The following TAX1BP1 variants were observed in gnomAD, a reference collection of about 807,000 sequenced individuals.
The protein encoded by TAX1BP1 is Tax1 binding protein 1, also known as tax1-binding protein 1.
TAX1BP1 carries 62 observed loss-of-function variants against 97.7 expected under a neutral mutation model. The observed-to-expected ratio is 0.63, with a 90% CI of 0.52 to 0.78. The LOEUF (loss-of-function observed/expected upper bound fraction) is 0.78, where lower values mean the gene tolerates loss of function less well. Among genes scored for constraint, TAX1BP1 ranks in the 30% least tolerant of loss-of-function variants. The pLI, the probability that TAX1BP1 is intolerant of heterozygous loss-of-function variation, is 0.00. For missense variants in TAX1BP1, 867 were observed against 916.1 expected, an observed-to-expected ratio of 0.95 and a Z score of 0.69; for synonymous variants, 340 against 304.2, an observed-to-expected ratio of 1.12 and a Z score of -1.23.
intron 13 of TAX1BP1, among the ~76,000 whole-genome samples, chr7:27,808,174 A>G (rs1340348751): frequency 6.6e-6 from 1 of 152,202 alleles, no homozygotes; most frequent in Non-Finnish European, 1.5e-5. Flanking sequence ...CAAAGTCCTT[A>G]GCAGACAGAG....
chr7:27,783,885 ATAT>A (rs1182023448), intron 5 of TAX1BP1, among the ~76,000 whole-genome samples: 1 of 152,204 alleles, frequency 6.6e-6, no homozygotes, highest in African/African-American at 2.4e-5. Context: ...GAGGAAATAA[ATAT>A]TATTTGTTTT....
chr7:27,745,157 C>T (rs1787771618), intron 1 of TAX1BP1, among the ~76,000 whole-genome samples: 1 of 152,190 alleles, frequency 6.6e-6, no homozygotes, highest in South Asian at 2.1e-4. Flanking sequence ...CATGGTAAAG[C>T]TGCTTGCTTC....
intron 13 of TAX1BP1, among the ~76,000 whole-genome samples, chr7:27,813,664 C>T (rs916121452): frequency 6.6e-6 from 1 of 151,982 alleles, no homozygotes; most frequent in African/African-American, 2.4e-5. Context: ...GAGATAGGGT[C>T]TCACTATGTT....
At chr7:27,785,624 C>A in intron 7 of TAX1BP1, 135 bp downstream of exon 7, 3 of 711,384 alleles carry the variant, frequency 4.2e-6, no homozygotes, top group Non-Finnish European at 7.1e-6. Context: ...TAGTTGCAGT[C>A]AGGATGTTGG....
chr7:27,756,322 C>G (rs1236068807), intron 2 of TAX1BP1, among the ~76,000 whole-genome samples: 1 of 152,110 alleles, frequency 6.6e-6, no homozygotes, highest in African/African-American at 2.4e-5. Context: ...ACATGCCCCT[C>G]TCTAAGTAAC....
At chr7:27,797,515 A>AT (rs1329800803) in intron 12 of TAX1BP1, among the ~76,000 whole-genome samples, 3 of 151,890 alleles carry the variant, frequency 2.0e-5, no homozygotes, top group Non-Finnish European at 2.9e-5. Flanking sequence ...GGGGAGGGGC[A>AT]TTTTTTAGAG....
At chr7:27,792,741 C>T (rs972204735) in intron 9 of TAX1BP1, among the ~76,000 whole-genome samples, 3 of 151,938 alleles carry the variant, frequency 2.0e-5, no homozygotes, top group African/African-American at 4.8e-5. Context: ...GTGGGAAGAT[C>T]GCTTGATCCC....
rs188624623 is a variant in TAX1BP1 at position 27,811,694 on chromosome 7, C to T, written c.1765-4655C>T. 1.2e-3 allele frequency among the ~76,000 whole-genome samples: 184 copies of T among 151,954 alleles called. 1 individual carries two copies. Among genetic ancestry groups the T allele is most frequent in the East Asian group, 8.5e-3 (44 of 5,160 alleles). ...CAAATGCATGTAGTTCTGTAACTACCGTTTCATTCAAGCAGTGTAACGTTT... is the reference window on the plus strand; with the variant it reads ...CAAATGCATGTAGTTCTGTAACTACTGTTTCATTCAAGCAGTGTAACGTTT... On this transcript the variant is annotated intron_variant, in intron 13 of 16. Coordinates refer to ENST00000396319, the MANE Select transcript of TAX1BP1 (RefSeq NM_006024.7).
rs551820718 is a variant in TAX1BP1 at position 27,820,777 on chromosome 7, C to T, written c.2085+3739C>T. Among the ~76,000 whole-genome samples the T allele has an allele frequency of 2.6e-5, 4 of 152,196 alleles. No homozygotes were observed. In the South Asian group the frequency reaches 6.2e-4, roughly 24 times the overall value. ...CTCAAAACATACAGATAAATCTTTA[C>T]GACTTAGATTAGGCAGTAGTTTCTT... On this transcript the variant is annotated intron_variant, in intron 15 of 16. Coordinates refer to ENST00000396319, the MANE Select transcript of TAX1BP1 (RefSeq NM_006024.7).
rs960121452 is a variant in TAX1BP1 at position 27,767,193 on chromosome 7, C to G, written c.453+1172C>G. 1.1e-4 allele frequency among the ~76,000 whole-genome samples: 16 copies of G among 151,980 alleles called. 1 individual carries two copies. The highest frequency in any genetic ancestry group is 4.1e-4 in the South Asian group (2 of 4,826). On this transcript the variant is annotated intron_variant, in intron 4 of 16. Coordinates refer to ENST00000396319, the MANE Select transcript of TAX1BP1 (RefSeq NM_006024.7). ...TGTGATTAATTGTATATAGTGCCCT[C>G]TATTATAATAATAAGAAAAATAGTT...
intron 2 of TAX1BP1, among the ~76,000 whole-genome samples, chr7:27,755,597 A>T (rs572199147): frequency 6.6e-6 from 1 of 152,198 alleles, no homozygotes; most frequent in African/African-American, 2.4e-5. Flanking sequence ...TGTTAATCCT[A>T]TTTAAAAGGA....
intron 15 of TAX1BP1, among the ~76,000 whole-genome samples, chr7:27,819,497 T>C (rs1278685831): frequency 2.0e-5 from 3 of 152,130 alleles, no homozygotes; most frequent in South Asian, 4.1e-4. Context: ...GAAGATAAGA[T>C]GGCATTGAAA....
intron 13 of TAX1BP1, among the ~76,000 whole-genome samples, chr7:27,805,069 C>T (rs994209601): frequency 3.3e-5 from 5 of 152,162 alleles, no homozygotes; most frequent in African/African-American, 9.7e-5. Flanking sequence ...AGGGTAAATG[C>T]ATGTGTAGTT....
At chr7:27,787,963 G>C (rs1437457468) in intron 8 of TAX1BP1, among the ~76,000 whole-genome samples, 1 of 152,044 alleles carries the variant, frequency 6.6e-6, no homozygotes, top group Non-Finnish European at 1.5e-5. Flanking sequence ...CATTCTCATA[G>C]TTAGTTCACA....
intron 4 of TAX1BP1, 144 bp from the exon 5 acceptor site, chr7:27,769,532 C>T: frequency 3.4e-6 from 2 of 594,754 alleles, no homozygotes; most frequent in Non-Finnish European, 5.6e-6. Context: ...TAAAAAAAGG[C>T]TGATTGATAT....
intron 15 of TAX1BP1, among the ~76,000 whole-genome samples, chr7:27,826,522 G>A (rs929962241): frequency 1.3e-5 from 2 of 151,838 alleles, no homozygotes; most frequent in Non-Finnish European, 2.9e-5. Context: ...TAACATAAAG[G>A]CTTCCTCAGT....
Position 27,807,505 on chromosome 7 carries a change from T to G in TAX1BP1, c.1764+7415T>G, listed in dbSNP as rs149334512. ...CAGTTATTTAATATAATACTAATTT[T>G]GGTTTAATATTTCATCACGATGAAA... On this transcript the variant is annotated intron_variant, in intron 13 of 16. Coordinates refer to ENST00000396319, the MANE Select transcript of TAX1BP1 (RefSeq NM_006024.7). Among the ~76,000 whole-genome samples the G allele has an allele frequency of 1.9e-3, 296 of 152,242 alleles. 1 individual carries two copies. Among genetic ancestry groups the G allele is most frequent in the African/African-American group, 6.9e-3 (286 of 41,562 alleles).
At chr7:27,763,767 C>CAAAAAAAAAA (rs575118347) in intron 3 of TAX1BP1, among the ~76,000 whole-genome samples, 58 of 118,764 alleles carry the variant, frequency 4.9e-4, no homozygotes, top group African/African-American at 1.7e-3. Context: ...GACTCTGTCT[C>CAAAAAAAAAA]AAAAAAAAAA....
intron 7 of TAX1BP1, among the ~76,000 whole-genome samples, chr7:27,786,653 C>T (rs546996356): frequency 1.3e-5 from 2 of 152,232 alleles, no homozygotes; most frequent in East Asian, 1.9e-4. Context: ...TAAAGTGATG[C>T]TGCAAGGGTG....
Sources: gnomAD v4.1 joint callset for allele counts (sites outside exome capture counted in the v4.1 genomes callset) on GRCh38, gnomAD v4.1.1 for gene constraint, MANE v1.5 for transcripts, NCBI Gene and HGNC (gene_info 2026-07-23, HGNC 2026-07-21) for gene names.